ASB3: variants seen among roughly 807,000 people sequenced by gnomAD.
The protein encoded by ASB3 is ankyrin repeat and SOCS box protein 3.
ASB3 carries 41 observed loss-of-function variants against 54.5 expected under a neutral mutation model. The observed-to-expected ratio is 0.75, with a 90% confidence interval of 0.59 to 0.98. ASB3 has a LOEUF of 0.98. Among genes scored for constraint, ASB3 ranks in the 50% least tolerant of loss-of-function variants. The pLI, the probability that ASB3 is intolerant of heterozygous loss-of-function variation, is 0.00. For synonymous variants in ASB3, 266 were observed against 221.2 expected, an observed-to-expected ratio of 1.20 and a Z score of -1.80; for missense variants, 733 against 620.0, an observed-to-expected ratio of 1.18 and a Z score of -1.94.
intron 1 of ASB3, among the ~76,000 whole-genome samples, chr2:53,775,838 G>T (rs990627744): frequency 6.6e-6 from 1 of 152,092 alleles, no homozygotes. Flanking sequence ...TGCATAGATT[G>T]TATTTTTTTA....
intron 2 of ASB3, among the ~76,000 whole-genome samples, chr2:53,762,847 A>C (rs10490469): frequency 0.1 from 15,732 of 152,116 alleles, 1,046 homozygotes; most frequent in Non-Finnish European, 0.15. Context: ...ACTTCTATGT[A>C]ATCTACACCA....
At chr2:53,680,248 G>C (rs552931981) in intron 9 of ASB3, among the ~76,000 whole-genome samples, 6 of 152,276 alleles carry the variant, frequency 3.9e-5, no homozygotes, top group South Asian at 2.1e-4. Flanking sequence ...CTATTCCTAA[G>C]GGTATATACC....
chr2:53,702,430 T>C (rs973579354), intron 7 of ASB3, among the ~76,000 whole-genome samples: 15 of 152,200 alleles, frequency 9.9e-5, no homozygotes, highest in African/African-American at 2.7e-4. Flanking sequence ...CAATAAATCC[T>C]TGAGCATGGA....
chr2:53,713,326 A>G (rs1164514856), intron 7 of ASB3, among the ~76,000 whole-genome samples: 1 of 152,236 alleles, frequency 6.6e-6, no homozygotes, highest in African/African-American at 2.4e-5. Context: ...AAGAAGGCCA[A>G]TACAATTTGA....
At chr2:53,759,286 T>A (rs1017354518) in intron 2 of ASB3, among the ~76,000 whole-genome samples, 1 of 152,150 alleles carries the variant, frequency 6.6e-6, no homozygotes, top group African/African-American at 2.4e-5. Flanking sequence ...GGAGGAAGAC[T>A]ATGAATTATT....
chr2:53,682,345 C>G, intron 9 of ASB3, among the ~76,000 whole-genome samples: 1 of 152,094 alleles, frequency 6.6e-6, no homozygotes, highest in African/African-American at 2.4e-5. Context: ...TCTTTAATTT[C>G]TTTCATCAGT....
At chr2:53,771,156 C>T (rs765994751) in intron 1 of ASB3, among the ~76,000 whole-genome samples, 34 of 152,170 alleles carry the variant, frequency 2.2e-4, no homozygotes, top group Admixed American at 6.6e-4. Context: ...TTTTGATCCA[C>T]TAAATTTGAA....
chr2:53,751,036 A>G (rs1238351911), intron 2 of ASB3, 95 bp from the exon 3 acceptor site: 3 of 1,339,020 alleles, frequency 2.2e-6, no homozygotes, highest in Non-Finnish European at 2.9e-6. Context: ...ATGAACTATT[A>G]AAATGTAAGT....
chr2:53,697,997 G>A (rs1669279528), intron 8 of ASB3, among the ~76,000 whole-genome samples: 1 of 152,182 alleles, frequency 6.6e-6, no homozygotes, highest in African/African-American at 2.4e-5. Context: ...CATTGCCCTG[G>A]TAGAAACTTT....
At chr2:53,731,803 C>G (rs1052135146) in intron 3 of ASB3, among the ~76,000 whole-genome samples, 12 of 152,292 alleles carry the variant, frequency 7.9e-5, no homozygotes, top group African/African-American at 2.9e-4. Context: ...CAGGCACCCG[C>G]AATCATGCTC....
chr2:53,773,682 G>A (rs1674111948), intron 1 of ASB3, among the ~76,000 whole-genome samples: 1 of 151,538 alleles, frequency 6.6e-6, no homozygotes, highest in Non-Finnish European at 1.5e-5. Context: ...ACTCACCTCG[G>A]CCTCCCAAAG....
chr2:53,748,788 C>T (rs1201442092), intron 3 of ASB3, among the ~76,000 whole-genome samples: 1 of 152,124 alleles, frequency 6.6e-6, no homozygotes, highest in Non-Finnish European at 1.5e-5. Context: ...AACAAGTGAT[C>T]TTGGATTCAT....
At chr2:53,681,827 G>C (rs1246963510) in intron 9 of ASB3, among the ~76,000 whole-genome samples, 1 of 152,118 alleles carries the variant, frequency 6.6e-6, no homozygotes, top group Non-Finnish European at 1.5e-5. Flanking sequence ...GCTCAGGATA[G>C]CTTTGGCTAT....
chr2:53,754,232 A>G (rs749581357), intron 2 of ASB3, among the ~76,000 whole-genome samples: 3 of 152,214 alleles, frequency 2.0e-5, no homozygotes, highest in Non-Finnish European at 4.4e-5. Context: ...GTTCATGCAG[A>G]TATAAATGAC....
chr2:53,732,433 T>C (rs1216392876), intron 3 of ASB3, among the ~76,000 whole-genome samples: 3 of 152,212 alleles, frequency 2.0e-5, no homozygotes, highest in Non-Finnish European at 2.9e-5. Flanking sequence ...TATCAGTGAC[T>C]GTTAGCAAAA....
chr2:53,676,858 T>C (rs1261596588), intron 9 of ASB3, among the ~76,000 whole-genome samples: 1 of 152,188 alleles, frequency 6.6e-6, no homozygotes, highest in Non-Finnish European at 1.5e-5. Flanking sequence ...CAACTTTGCC[T>C]CCCAGGTTCA....
At chr2:53,716,777 C>T (rs367919037) in intron 5 of ASB3, 34 bp from the exon 6 acceptor site, 3 of 1,540,710 alleles carry the variant, frequency 1.9e-6, no homozygotes, top group East Asian at 2.3e-5. Flanking sequence ...TAACAGATAA[C>T]CCTAATACTT....
intron 3 of ASB3, among the ~76,000 whole-genome samples, chr2:53,738,795 T>C (rs1671780331): frequency 6.6e-6 from 1 of 152,172 alleles, no homozygotes; most frequent in African/African-American, 2.4e-5. Context: ...AGAATCATAG[T>C]ATCTGGTATT....
chr2:53,689,374 G>T (rs562459548), intron 9 of ASB3, among the ~76,000 whole-genome samples: 15 of 152,172 alleles, frequency 9.9e-5, no homozygotes, highest in Non-Finnish European at 1.8e-4. Flanking sequence ...GTGACTTAAT[G>T]ATATGTTATA....
Sources: allele counts gnomAD v4.1 joint callset (sites outside exome capture counted in the v4.1 genomes callset), GRCh38; gene constraint gnomAD v4.1.1; transcripts MANE v1.5; gene names NCBI Gene and HGNC (gene_info 2026-07-23, HGNC 2026-07-21).